The following TBC1D5 variants were observed in gnomAD, a reference collection of about 807,000 sequenced individuals.
The protein encoded by TBC1D5 is TBC1 domain family, member 5.
In TBC1D5, 75 loss-of-function variants were observed where a neutral mutation model predicts 100.3. The ratio of observed to expected loss-of-function variants is 0.75; its 90% CI spans 0.62 to 0.91. The LOEUF is 0.91. Among genes scored for constraint, TBC1D5 ranks in the 40% least tolerant of loss-of-function variants. The pLI, the probability that TBC1D5 is intolerant of heterozygous loss-of-function variation, is 0.00. For synonymous variants in TBC1D5, 323 were observed against 325.6 expected (o/e 0.99, Z 0.09); for missense variants, 910 against 942.4 (o/e 0.97, Z 0.45).
chr3:17,430,374 TCC>T (rs2094427010), intron 3 of TBC1D5, among the ~76,000 whole-genome samples: 2 of 151,734 alleles, frequency 1.3e-5, no homozygotes, highest in Non-Finnish European at 3.0e-5. Context: ...AAATATAAAA[TCC>T]TTCAAATAAT....
At chr3:17,703,524 TTATCATAAGA>T in intron 1 of TBC1D5, among the ~76,000 whole-genome samples, 1 of 152,280 alleles carries the variant, frequency 6.6e-6, no homozygotes, top group South Asian at 2.1e-4. Flanking sequence ...CCAAAATTCT[TTATCATAAGA>T]TGTGCAAATG....
chr3:17,455,530 A>G (rs62245946), intron 3 of TBC1D5, among the ~76,000 whole-genome samples: 25,633 of 143,136 alleles, frequency 0.18, 2,632 homozygotes, highest in African/African-American at 0.28. Flanking sequence ...ATATATATAT[A>G]TGTGTGTGTG....
chr3:17,167,789 T>C, exon 20 of TBC1D5: 1 of 1,611,844 alleles, frequency 6.2e-7, no homozygotes, highest in Non-Finnish European at 8.5e-7. Context: ...TTGATCTTCT[T>C]TTTCCAAATT....
rs561813130 is a variant in TBC1D5 at position 17,257,529 on chromosome 3, T to C, written c.1331+977A>G. Reference sequence around the variant, plus strand: ...ATGAGCTACAGAACTGGTCTCATAATTGCATGGTACATCAATATATGGAGC... The same window carrying C: ...ATGAGCTACAGAACTGGTCTCATAACTGCATGGTACATCAATATATGGAGC... On this transcript the variant is annotated intron_variant, in intron 16 of 21. Transcript: ENST00000253692. 6.6e-5 allele frequency among the ~76,000 whole-genome samples: 10 copies of C among 152,322 alleles called. No homozygotes were observed. In the South Asian group the frequency reaches 1.9e-3, roughly 28 times the overall value.
intron 20 of TBC1D5, among the ~76,000 whole-genome samples, chr3:17,167,330 C>T (rs185571084): frequency 9.9e-4 from 151 of 152,314 alleles, no homozygotes; most frequent in African/African-American, 3.5e-3. Flanking sequence ...TTTTCACTGA[C>T]ATTTATGTCT....
chr3:17,548,708 T>C (rs2096443521), intron 2 of TBC1D5, among the ~76,000 whole-genome samples: 2 of 152,274 alleles, frequency 1.3e-5, no homozygotes, highest in South Asian at 4.1e-4. Context: ...AGTTGCTTTA[T>C]GATTAAAGCT....
intron 16 of TBC1D5, among the ~76,000 whole-genome samples, chr3:17,240,986 G>A (rs1373726878): frequency 1.3e-5 from 2 of 152,148 alleles, no homozygotes; most frequent in African/African-American, 4.8e-5. Flanking sequence ...AAAAGGGGAT[G>A]AGCACTGTTT....
At chr3:17,210,784 T>A (rs1263765592) in intron 18 of TBC1D5, among the ~76,000 whole-genome samples, 1 of 152,146 alleles carries the variant, frequency 6.6e-6, no homozygotes, top group East Asian at 1.9e-4. Context: ...TCTTTTATTT[T>A]CTCTGTTCAC....
chr3:17,487,759 C>T (rs1407602313), intron 3 of TBC1D5, among the ~76,000 whole-genome samples: 2 of 152,110 alleles, frequency 1.3e-5, no homozygotes, highest in African/African-American at 4.8e-5. Flanking sequence ...ATGGTACCAT[C>T]TGAAAAAGTA....
At chr3:17,586,444 A>G (rs2096733537) in intron 2 of TBC1D5, 1 of 152,140 alleles carries the variant, frequency 6.6e-6, no homozygotes, top group East Asian at 1.9e-4. Flanking sequence ...GGCTCAGTAC[A>G]ATAGAGTTCT....
At chr3:17,267,674 C>T (rs763533014) in intron 15 of TBC1D5, among the ~76,000 whole-genome samples, 1 of 152,008 alleles carries the variant, frequency 6.6e-6, no homozygotes, top group African/African-American at 2.4e-5. Context: ...AAGAATAAGT[C>T]CTTGGACTGA....
intron 1 of TBC1D5, among the ~76,000 whole-genome samples, chr3:17,704,211 C>G (rs559836665): frequency 5.2e-5 from 7 of 133,774 alleles, no homozygotes; most frequent in Non-Finnish European, 9.6e-5. Flanking sequence ...GGACACAGCA[C>G]ATGTTTCAGA....
intron 2 of TBC1D5, among the ~76,000 whole-genome samples, chr3:17,588,487 T>C (rs2096746535): frequency 6.6e-6 from 1 of 152,158 alleles, no homozygotes; most frequent in African/African-American, 2.4e-5. Flanking sequence ...CAAAAATTAT[T>C]GTCAGTGTAT....
At chr3:17,295,912 T>C (rs1436788690) in intron 14 of TBC1D5, among the ~76,000 whole-genome samples, 1 of 152,136 alleles carries the variant, frequency 6.6e-6, no homozygotes, top group Non-Finnish European at 1.5e-5. Flanking sequence ...TGACTCTCTA[T>C]TATAGCTGAG....
chr3:17,620,765 T>G (rs2062595139), intron 2 of TBC1D5, among the ~76,000 whole-genome samples: 1 of 151,948 alleles, frequency 6.6e-6, no homozygotes, highest in South Asian at 2.1e-4. Context: ...TTCCTATATA[T>G]TCAAAAAATT....
At chr3:17,621,257 G>A (rs180929693) in intron 2 of TBC1D5, among the ~76,000 whole-genome samples, 21 of 152,258 alleles carry the variant, frequency 1.4e-4, no homozygotes, top group Middle Eastern at 3.4e-3. Context: ...AAATACAGAT[G>A]CATGTGTATA....
intron 13 of TBC1D5, among the ~76,000 whole-genome samples, chr3:17,343,840 T>G (rs897536963): frequency 6.6e-6 from 1 of 152,174 alleles, no homozygotes; most frequent in Non-Finnish European, 1.5e-5. Flanking sequence ...TTATTGTGTC[T>G]ATTTGATTCT....
At chr3:17,635,445 C>T (rs370500106) in intron 1 of TBC1D5, among the ~76,000 whole-genome samples, 3 of 152,240 alleles carry the variant, frequency 2.0e-5, no homozygotes, top group Non-Finnish European at 4.4e-5. Context: ...CTTTGGGAGG[C>T]CGAGGCAGGT....
At chr3:17,254,532 T>G (rs1010819551) in intron 16 of TBC1D5, among the ~76,000 whole-genome samples, 2 of 152,100 alleles carry the variant, frequency 1.3e-5, no homozygotes, top group Non-Finnish European at 2.9e-5. Context: ...GGCTGTTGAG[T>G]ATTTTGCCTA....
Sources: allele counts gnomAD v4.1 joint callset (sites outside exome capture counted in the v4.1 genomes callset), GRCh38; gene constraint gnomAD v4.1.1; transcripts MANE v1.5; gene names NCBI Gene and HGNC (gene_info 2026-07-23, HGNC 2026-07-21).